ASXL1: variants seen among roughly 807,000 people sequenced by gnomAD.
The protein encoded by ASXL1 is polycomb group protein ASXL1.
A neutral mutation model predicts 89.1 loss-of-function variants in ASXL1; 65 were observed. That is an observed-to-expected ratio of 0.73 (90% CI 0.60 to 0.90). The LOEUF is 0.90. Ranked by LOEUF, ASXL1 falls within the 40% of genes least tolerant of loss-of-function variation. ASXL1 has a pLI of 0.00. For synonymous variants in ASXL1, 739 were observed against 746.9 expected (o/e 0.99, Z 0.17); for missense variants, 1,786 against 1,942.9 (o/e 0.92, Z 1.52).
chr20:32,407,605 A>G (rs1434970759), intron 4 of ASXL1, among the ~76,000 whole-genome samples: 1 of 152,066 alleles, frequency 6.6e-6, no homozygotes, highest in Non-Finnish European at 1.5e-5. Flanking sequence ...CTGGGACTAC[A>G]GACACGTGCC....
chr20:32,428,884 T>C, intron 6 of ASXL1: 1 of 295,112 alleles, frequency 3.4e-6, no homozygotes, highest in South Asian at 3.3e-5. Context: ...TAGTCTCGAA[T>C]TCCTGACCTC....
intron 10 of ASXL1, 80 bp downstream of exon 10, chr20:32,431,759 A>G: frequency 7.0e-7 from 1 of 1,424,796 alleles, no homozygotes; most frequent in Non-Finnish European, 9.8e-7. Flanking sequence ...TTTAAAACCC[A>G]AGCTCGCTCT....
At chr20:32,417,004 AACTGAATTTTTTTCCCCTTG>A (rs2049149147) in intron 4 of ASXL1, among the ~76,000 whole-genome samples, 1 of 152,110 alleles carries the variant, frequency 6.6e-6, no homozygotes, top group Non-Finnish European at 1.5e-5. Flanking sequence ...ATATTATGAG[AACTGAATTTTTTTCCCCTTG>A]ACTGATTTAG....
At chr20:32,393,334 T>A (rs545394809) in intron 4 of ASXL1, among the ~76,000 whole-genome samples, 7 of 152,228 alleles carry the variant, frequency 4.6e-5, no homozygotes, top group South Asian at 2.1e-4. Flanking sequence ...TTTTATATTT[T>A]AAAAAAACTT....
intron 4 of ASXL1, among the ~76,000 whole-genome samples, chr20:32,399,817 A>G (rs994394904): frequency 2.0e-4 from 24 of 120,448 alleles, no homozygotes; most frequent in Non-Finnish European, 3.2e-4. Context: ...GCTGGGGTGC[A>G]GTGGCACAAT....
At chr20:32,376,935 C>T (rs895848703) in intron 4 of ASXL1, among the ~76,000 whole-genome samples, 3 of 141,010 alleles carry the variant, frequency 2.1e-5, no homozygotes, top group East Asian at 2.1e-4. Flanking sequence ...AGTAAAACCA[C>T]GTAGATAAAA....
At position 32,435,695 on chromosome 20, in the gene ASXL1, C is replaced by CA; in HGVS notation, c.2984dup (p.His995GlnfsTer3). ...CGGAGACTCTGAAGCACTGAGTCCT[C>CA]ACGGTGAGTCCACGGATACAGCCTC... On this transcript the variant is annotated frameshift_variant, in exon 13 of 13. Transcript: ENST00000375687. LOFTEE classifies it low-confidence loss of function (END_TRUNC). 4 of 1,614,192 alleles carry CA rather than the reference C, an allele frequency of 2.5e-6. No homozygotes were observed. Among genetic ancestry groups the CA allele is most frequent in the Non-Finnish European group, 3.4e-6 (4 of 1,180,044 alleles).
intron 1 of ASXL1, chr20:32,359,721 GTGTT>G (rs1158297417): frequency 4.2e-6 from 3 of 717,974 alleles, no homozygotes; most frequent in East Asian, 2.7e-5. Context: ...CGTAACTTGA[GTGTT>G]TGAAGCCGTC....
chr20:32,435,986 G>T lies in ASXL1; in HGVS notation c.3274G>T (p.Val1092Leu). The T allele has an allele frequency of 6.2e-7, 1 of 1,614,186 alleles. No individual in the cohort carries two copies. The highest frequency in any genetic ancestry group is 1.1e-5 in the South Asian group (1 of 91,092). The change falls in exon 13 of 13, where the codon GTG (valine) becomes TTG (leucine). Residue 1092 changes from valine (V) to leucine (L), a missense_variant. Transcript: ENST00000375687. ...CAGTACTGAGTACCAGCCAAGAGCCGTGTGCCTGTCCATGCCTGGGTCCTC... is the reference window on the plus strand; with the variant it reads ...CAGTACTGAGTACCAGCCAAGAGCCTTGTGCCTGTCCATGCCTGGGTCCTC... ...LASTEYQPRA[V>L]CLSMPGSSVE...
At chr20:32,376,272 G>A (rs1600487419) in intron 4 of ASXL1, among the ~76,000 whole-genome samples, 1 of 151,268 alleles carries the variant, frequency 6.6e-6, no homozygotes, top group Admixed American at 6.6e-5. Flanking sequence ...ATTTTATTTT[G>A]TGTTGTGTTG....
rs2011444483 is a variant in ASXL1, at chr20:32,429,321, T to C, written c.472-17T>C. On this transcript the variant is annotated splice_polypyrimidine_tract_variant and intron_variant, in intron 6 of 12. Coordinates refer to ENST00000375687, the MANE Select transcript of ASXL1 (RefSeq NM_015338.6). This position sits in a 1 kb window ranked among gnomAD's most constrained non-coding sequence, Gnocchi z 4.9. ...GCAGTTGACTTGGGCTCTCTTTTGT[T>C]CTCTCTTGGAACGCAGGCGAACAAA... is the stretch of plus-strand genomic sequence containing the variant. 1 of 1,613,178 alleles carries C rather than the reference T, an allele frequency of 6.2e-7. No homozygotes were observed. Among genetic ancestry groups the C allele is most frequent in the African/African-American group, 1.3e-5 (1 of 74,894 alleles).
rs1023881021 is a variant in ASXL1 at position 32,433,816 on chromosome 20, C to G, written c.1618C>G (p.Pro540Ala). The G allele has an allele frequency of 1.2e-6, 2 of 1,614,014 alleles. No homozygotes were observed. Among genetic ancestry groups the G allele is most frequent in the Middle Eastern group, 1.6e-4 (1 of 6,084 alleles). ...CTCTGCATCCTTTCCCGAAAAGAAG[C>G]CCCGGCTTGAAGATCGTCAGTCCTT... ...AASASFPEKK[P>A]RLEDRQSFRN... Residue 540 changes from proline (P) to alanine (A), a missense_variant, in exon 12 of 13, where the codon CCC becomes GCC. By Grantham distance (27) the Pro-to-Ala change is conservative. Around this residue, in one of 3 missense-constraint regions of ASXL1, gnomAD observed 1,418 missense variants for 1,427.8 expected, o/e 0.99. Coordinates refer to ENST00000375687, the MANE Select transcript of ASXL1 (RefSeq NM_015338.6).
intron 4 of ASXL1, among the ~76,000 whole-genome samples, chr20:32,379,366 A>G (rs189275852): frequency 1.4e-3 from 208 of 146,414 alleles, no homozygotes; most frequent in African/African-American, 4.9e-3. Context: ...TTTATTTATT[A>G]TTATTATTAT....
chr20:32,361,993 C>A (rs1163170563), intron 1 of ASXL1, among the ~76,000 whole-genome samples: 1 of 151,598 alleles, frequency 6.6e-6, no homozygotes. Context: ...CACTTGAACT[C>A]GGGAGGTGGA....
intron 4 of ASXL1, among the ~76,000 whole-genome samples, chr20:32,406,080 G>A (rs1451499018): frequency 1.3e-5 from 2 of 152,128 alleles, no homozygotes; most frequent in African/African-American, 4.8e-5. Flanking sequence ...GTGGGAAGGG[G>A]CTAAGGAATA....
chr20:32,360,653 T>C (rs2048094443), intron 1 of ASXL1: 1 of 156,252 alleles, frequency 6.4e-6, no homozygotes, highest in East Asian at 1.6e-4. Flanking sequence ...TCTGTTTGTC[T>C]CAAAGTTCTG....
intron 4 of ASXL1, among the ~76,000 whole-genome samples, chr20:32,403,927 T>C (rs2048914448): frequency 6.6e-6 from 1 of 152,116 alleles, no homozygotes; most frequent in Admixed American, 6.6e-5. Flanking sequence ...GGGGTGCATG[T>C]GATATTTTGA....
At chr20:32,419,490 A>G (rs577907087) in intron 4 of ASXL1, among the ~76,000 whole-genome samples, 1 of 152,296 alleles carries the variant, frequency 6.6e-6, no homozygotes, top group East Asian at 1.9e-4. Context: ...AAGTGTAGCC[A>G]ACATGCCTGG....
Position 32,403,887 on chromosome 20 carries a change from T to A in ASXL1, c.253-24241T>A, listed in dbSNP as rs1399959189. ...ATTTATTTAGGTTGTCTTTTTTTTTTAAAGGTACATAATAATTGTACATAT... is the reference window on the plus strand; with the variant it reads ...ATTTATTTAGGTTGTCTTTTTTTTTAAAAGGTACATAATAATTGTACATAT... On this transcript the variant is annotated intron_variant, in intron 4 of 12. Coordinates refer to ENST00000375687, the MANE Select transcript of ASXL1 (RefSeq NM_015338.6). Among the ~76,000 whole-genome samples, 7 of 152,182 alleles carry A rather than the reference T, an allele frequency of 4.6e-5. No individual in the cohort carries two copies. In the East Asian group the frequency reaches 9.6e-4, roughly 21 times the overall value.
Sources: allele counts gnomAD v4.1 joint callset (sites outside exome capture counted in the v4.1 genomes callset), GRCh38; gene constraint gnomAD v4.1.1; regional missense constraint gnomAD v4.1.1; non-coding constraint Gnocchi (gnomAD v3.1); transcripts MANE v1.5; gene names NCBI Gene and HGNC (gene_info 2026-07-23, HGNC 2026-07-21).